RXRA: variants seen among roughly 807,000 people sequenced by gnomAD.
The protein encoded by RXRA is retinoic acid receptor RXR-alpha.
RXRA carries 5 observed loss-of-function variants against 44.5 expected under a neutral mutation model. That is an observed-to-expected ratio of 0.11 (90% confidence interval 0.06 to 0.24). The LOEUF is 0.24. Among genes scored for constraint, RXRA ranks in the 10% least tolerant of loss-of-function variants. The pLI is 1.00. For synonymous variants in RXRA, 291 were observed against 271.4 expected (o/e 1.07, Z -0.71); for missense variants, 412 against 646.5 (o/e 0.64, Z 3.93).
At chr9:134,415,012 G>T (rs560670589) in intron 4 of RXRA, among the ~76,000 whole-genome samples, 2 of 152,320 alleles carry the variant, frequency 1.3e-5, no homozygotes, top group East Asian at 3.9e-4. Context: ...TTGCCCACCA[G>T]CCCTGCTCCC....
intron 1 of RXRA, among the ~76,000 whole-genome samples, chr9:134,338,981 C>T (rs1830047787): frequency 6.6e-6 from 1 of 152,268 alleles, no homozygotes. Flanking sequence ...CCACTGCTGT[C>T]TGCCTCCTGC....
chr9:134,365,598 G>A lies in RXRA; in HGVS notation c.29-36034G>A, dbSNP rs762025396. 1.3e-5 allele frequency among the ~76,000 whole-genome samples: 2 copies of A among 152,178 alleles called. No individual in the cohort carries two copies. The highest frequency in any genetic ancestry group is 1.9e-4 in the East Asian group (1 of 5,196). On this transcript the variant is annotated intron_variant, in intron 1 of 9. Transcript: ENST00000481739. This position sits in a 1 kb window ranked among gnomAD's most constrained non-coding sequence, Gnocchi z 4.0. ...GTGATCTGCTTGTCCAGTGGTTTCT[G>A]TGGCTTTTCTGGGGTCCTGGGCTGT... is the stretch of plus-strand genomic sequence containing the variant.
chr9:134,332,974 G>A lies in RXRA; in HGVS notation c.28+6315G>A, dbSNP rs377671798. ...GGCTGGCCTGGGGGTCGTCTTTCCCGGGCACGGGTATGGGTGAGGCACCTT... is the reference window on the plus strand; with the variant it reads ...GGCTGGCCTGGGGGTCGTCTTTCCCAGGCACGGGTATGGGTGAGGCACCTT... On this transcript the variant is annotated intron_variant, in intron 1 of 9. Coordinates refer to ENST00000481739, the MANE Select transcript of RXRA (RefSeq NM_002957.6). Among the ~76,000 whole-genome samples the A allele has an allele frequency of 9.9e-5, 15 of 152,250 alleles. No individual in the cohort carries two copies. In the South Asian group the frequency reaches 1.2e-3, roughly 13 times the overall value.
intron 1 of RXRA, among the ~76,000 whole-genome samples, chr9:134,369,180 T>G (rs1192176643): frequency 9.2e-5 from 3 of 32,502 alleles, no homozygotes; most frequent in Non-Finnish European, 1.6e-4. Flanking sequence ...TGTGTGTGCG[T>G]GGGGGGGTTA....
At chr9:134,344,268 G>C (rs1012504537) in intron 1 of RXRA, among the ~76,000 whole-genome samples, 9 of 152,178 alleles carry the variant, frequency 5.9e-5, no homozygotes, top group Non-Finnish European at 1.5e-5. Context: ...GCTGTGGTGT[G>C]TCTCCTCCCT....
intron 7 of RXRA, 40 bp from the exon 8 acceptor site, chr9:134,431,865 G>T: frequency 1.3e-6 from 2 of 1,514,334 alleles, no homozygotes; most frequent in African/African-American, 1.4e-5. Context: ...TGAGGGCTGC[G>T]ACCTAACTGG....
At chr9:134,396,041 C>T (rs370379479) in intron 1 of RXRA, among the ~76,000 whole-genome samples, 19 of 152,306 alleles carry the variant, frequency 1.2e-4, no homozygotes, top group South Asian at 4.1e-4. Flanking sequence ...GAGCCCACCC[C>T]GCCGAGGGCC....
At chr9:134,353,168 A>G (rs1588259470) in intron 1 of RXRA, among the ~76,000 whole-genome samples, 1 of 151,950 alleles carries the variant, frequency 6.6e-6, no homozygotes, top group East Asian at 1.9e-4. Flanking sequence ...CTGGGGCTTG[A>G]GGAAGAATCC....
intron 1 of RXRA, among the ~76,000 whole-genome samples, chr9:134,348,897 C>G (rs1347213126): frequency 1.3e-5 from 2 of 152,238 alleles, no homozygotes; most frequent in East Asian, 3.8e-4. Flanking sequence ...ACCCACGACC[C>G]CCAGACCTTG....
intron 1 of RXRA, among the ~76,000 whole-genome samples, chr9:134,367,955 T>C (rs1290986298): frequency 6.6e-6 from 1 of 152,266 alleles, no homozygotes; most frequent in Non-Finnish European, 1.5e-5. Context: ...GGTATCGGCC[T>C]TGCCGGAGAT....
intron 1 of RXRA, among the ~76,000 whole-genome samples, chr9:134,329,344 G>A (rs1191917693): frequency 1.3e-5 from 2 of 152,280 alleles, no homozygotes; most frequent in Admixed American, 6.5e-5. Flanking sequence ...TGACGAGGGC[G>A]TCTTTTAGCG....
intron 6 of RXRA, among the ~76,000 whole-genome samples, 173 bp from the exon 7 acceptor site, chr9:134,428,935 C>T (rs773701503): frequency 5.9e-5 from 9 of 152,168 alleles, no homozygotes; most frequent in Non-Finnish European, 1.2e-4. Context: ...TACTGTAGAA[C>T]GGGCATTCTC....
intron 1 of RXRA, among the ~76,000 whole-genome samples, chr9:134,346,138 C>T (rs1554748747): frequency 6.6e-6 from 1 of 152,136 alleles, no homozygotes; most frequent in African/African-American, 2.4e-5. Context: ...TCTACCACTG[C>T]TGGCTCATTC....
chr9:134,416,028 G>T (rs1032664887), intron 4 of RXRA, among the ~76,000 whole-genome samples: 2 of 152,146 alleles, frequency 1.3e-5, no homozygotes, highest in Non-Finnish European at 2.9e-5. Context: ...AACAGAAGGA[G>T]GTGGTGGGGT....
chr9:134,427,153 G>A (rs948127411), intron 6 of RXRA: 5 of 981,036 alleles, frequency 5.1e-6, no homozygotes, highest in African/African-American at 3.5e-5. Flanking sequence ...TGCTACAGAT[G>A]TTTCATTGGG....
At chr9:134,422,485 CT>C in intron 6 of RXRA, 1 of 1,224,080 alleles carries the variant, frequency 8.2e-7, no homozygotes, top group Non-Finnish European at 1.1e-6. Flanking sequence ...TACCGGGACA[CT>C]CCCCCCTCCC....
At chr9:134,380,740 G>A (rs569545654) in intron 1 of RXRA, among the ~76,000 whole-genome samples, 4 of 152,252 alleles carry the variant, frequency 2.6e-5, no homozygotes, top group African/African-American at 7.2e-5. Flanking sequence ...GCCTCATGAA[G>A]CACCTTTCCA....
chr9:134,423,378 G>C (rs566701738), intron 6 of RXRA: 89 of 985,352 alleles, frequency 9.0e-5, no homozygotes, highest in Non-Finnish European at 1.0e-4. Flanking sequence ...GCCTCAGCCC[G>C]ACTGGGGAGC....
chr9:134,379,444 G>A, intron 1 of RXRA: 1 of 987,348 alleles, frequency 1.0e-6, no homozygotes, highest in Non-Finnish European at 1.2e-6. Flanking sequence ...CCAGGCATCT[G>A]TGTCTGTGTC....
Sources: gnomAD v4.1 joint callset for allele counts (sites outside exome capture counted in the v4.1 genomes callset) on GRCh38, gnomAD v4.1.1 for gene constraint, Gnocchi (gnomAD v3.1) non-coding constraint, MANE v1.5 for transcripts, NCBI Gene and HGNC (gene_info 2026-07-23, HGNC 2026-07-21) for gene names.